PLCB1: variants seen among roughly 807,000 people sequenced by gnomAD.
PLCB1 encodes 1-phosphatidylinositol 4,5-bisphosphate phosphodiesterase beta-1.
PLCB1 carries 46 observed loss-of-function variants against 161.8 expected under a neutral mutation model. The ratio of observed to expected loss-of-function variants is 0.28; its 90% CI spans 0.22 to 0.36. The LOEUF (loss-of-function observed/expected upper bound fraction) is 0.36. PLCB1 is among the 10% of genes least tolerant of loss of function. The pLI is 1.00. For missense variants in PLCB1, 1,016 were observed against 1,472.5 expected (o/e 0.69, Z 5.07); for synonymous variants, 517 against 503.7 (o/e 1.03, Z -0.35).
intron 31 of PLCB1, among the ~76,000 whole-genome samples, chr20:8,860,806 C>T (rs576511879): frequency 1.3e-5 from 2 of 152,290 alleles, no homozygotes; most frequent in African/African-American, 4.8e-5. Context: ...ACTGACAGAA[C>T]AATCATTAAT....
intron 14 of PLCB1, among the ~76,000 whole-genome samples, chr20:8,720,304 A>G (rs2123473325): frequency 6.6e-6 from 1 of 152,350 alleles, no homozygotes; most frequent in Non-Finnish European, 1.5e-5. Context: ...ATTGCTTAAT[A>G]TAGAGAAAGG....
At chr20:8,497,210 G>A (rs963225272) in intron 3 of PLCB1, among the ~76,000 whole-genome samples, 12 of 152,076 alleles carry the variant, frequency 7.9e-5, no homozygotes, top group African/African-American at 2.7e-4. Flanking sequence ...ATTGAAATTT[G>A]GAAGTGAAAA....
In PLCB1 at chr20:8,848,025, A is replaced by G. The variant is rs532891174; in HGVS notation, c.3424-33597A>G. 5.9e-5 allele frequency among the ~76,000 whole-genome samples: 9 copies of G among 152,338 alleles called. No individual in the cohort carries two copies. The East Asian group carries it at 1.7e-3, about 29-fold the overall frequency. On this transcript the variant is annotated intron_variant, in intron 31 of 31. Coordinates refer to ENST00000338037, the MANE Select transcript of PLCB1 (RefSeq NM_015192.4). ...GAACGCCATGTCCTCACATGATGGAAGACAGAAGAGCAAGAGAGACCAATG... is the reference window on the plus strand; with the variant it reads ...GAACGCCATGTCCTCACATGATGGAGGACAGAAGAGCAAGAGAGACCAATG...
At chr20:8,179,271 A>G (rs2051814188) in intron 2 of PLCB1, among the ~76,000 whole-genome samples, 1 of 152,076 alleles carries the variant, frequency 6.6e-6, no homozygotes, top group African/African-American at 2.4e-5. Context: ...ATAAGCGTGG[A>G]ATATATTTCT....
Position 8,881,605 on chromosome 20 carries a change from C to T in PLCB1, c.3424-17C>T, listed in dbSNP as rs752407584. ...CATAAACAACTTCAAGTCATCTCCC[C>T]TCTTGATGTCTCTCAGCTGCAGGTG... On this transcript the variant is annotated splice_polypyrimidine_tract_variant and intron_variant, in intron 31 of 31. Transcript: ENST00000338037. 6.3e-7 allele frequency: 1 copy of T among 1,594,234 alleles called. No individual in the cohort carries two copies. Among genetic ancestry groups the T allele is most frequent in the Non-Finnish European group, 8.6e-7 (1 of 1,161,872 alleles).
At chr20:8,699,155 C>A (rs1419299722) in intron 11 of PLCB1, among the ~76,000 whole-genome samples, 1 of 152,188 alleles carries the variant, frequency 6.6e-6, no homozygotes, top group Admixed American at 6.5e-5. Context: ...GGCCAGAGGA[C>A]AACCTCTCGC....
chr20:8,145,375 A>G (rs1409156825), intron 1 of PLCB1, among the ~76,000 whole-genome samples: 1 of 152,092 alleles, frequency 6.6e-6, no homozygotes, highest in Non-Finnish European at 1.5e-5. Flanking sequence ...CCTATCTCTA[A>G]ATAAGATCAC....
At chr20:8,754,165 T>C (rs1981620961) in intron 23 of PLCB1, among the ~76,000 whole-genome samples, 1 of 152,230 alleles carries the variant, frequency 6.6e-6, no homozygotes, top group African/African-American at 2.4e-5. Context: ...TTTGATTTTA[T>C]ATAGTACGTC....
intron 3 of PLCB1, among the ~76,000 whole-genome samples, chr20:8,469,366 T>C (rs1981952834): frequency 6.6e-6 from 1 of 152,158 alleles, no homozygotes; most frequent in African/African-American, 2.4e-5. Context: ...AATGTTAAAA[T>C]GGTGGGAGGC....
intron 31 of PLCB1, among the ~76,000 whole-genome samples, chr20:8,823,587 C>T (rs1379411232): frequency 6.6e-6 from 1 of 152,146 alleles, no homozygotes; most frequent in Non-Finnish European, 1.5e-5. Context: ...AGTTTTATAC[C>T]ATATTCAACT....
intron 2 of PLCB1, among the ~76,000 whole-genome samples, chr20:8,272,356 A>T (rs1982328286): frequency 6.6e-6 from 1 of 152,116 alleles, no homozygotes; most frequent in Admixed American, 6.6e-5. Flanking sequence ...AATCCAACAA[A>T]GGTATCATAG....
chr20:8,336,376 G>A (rs1275680045), intron 2 of PLCB1, among the ~76,000 whole-genome samples: 2 of 152,032 alleles, frequency 1.3e-5, no homozygotes, highest in East Asian at 3.9e-4. Context: ...AATCAAATTT[G>A]GATTTCATAT....
rs1178838512 is a variant in PLCB1 at position 8,679,967 on chromosome 20, G to C, written c.863-4965G>C. Among the ~76,000 whole-genome samples the C allele has an allele frequency of 2.6e-5, 4 of 152,096 alleles. No individual in the cohort carries two copies. In the East Asian group the frequency reaches 7.7e-4, roughly 29 times the overall value. ...ATATATTAGCCTGATTGAATTCATAGACTTTTAGAGCTAGAGGAGACTGAG... is the reference window on the plus strand; with the variant it reads ...ATATATTAGCCTGATTGAATTCATACACTTTTAGAGCTAGAGGAGACTGAG... On this transcript the variant is annotated intron_variant, in intron 9 of 31. Coordinates refer to ENST00000338037, the MANE Select transcript of PLCB1 (RefSeq NM_015192.4).
At chr20:8,565,238 C>T (rs190607389) in intron 3 of PLCB1, among the ~76,000 whole-genome samples, 1 of 152,064 alleles carries the variant, frequency 6.6e-6, no homozygotes, top group East Asian at 1.9e-4. Flanking sequence ...AACACAAGAA[C>T]AGAAAACCAA....
chr20:8,761,659 C>T (rs1161495387), intron 25 of PLCB1, among the ~76,000 whole-genome samples: 2 of 152,108 alleles, frequency 1.3e-5, no homozygotes, highest in African/African-American at 4.8e-5. Flanking sequence ...GCTAGGATTA[C>T]AAGCACGTGC....
At chr20:8,470,952 T>C (rs1982027252) in intron 3 of PLCB1, among the ~76,000 whole-genome samples, 1 of 152,132 alleles carries the variant, frequency 6.6e-6, no homozygotes, top group South Asian at 2.1e-4. Flanking sequence ...GGGTAATTAC[T>C]AAACAAATTG....
At chr20:8,216,936 A>G (rs1374666950) in intron 2 of PLCB1, among the ~76,000 whole-genome samples, 1 of 152,066 alleles carries the variant, frequency 6.6e-6, no homozygotes, top group Non-Finnish European at 1.5e-5. Flanking sequence ...AGTGGCAGAT[A>G]CCTCCTATTC....
intron 2 of PLCB1, among the ~76,000 whole-genome samples, chr20:8,333,054 T>A (rs1469054039): frequency 6.6e-6 from 1 of 152,178 alleles, no homozygotes; most frequent in African/African-American, 2.4e-5. Flanking sequence ...TTCTCACCAA[T>A]AAAATGTGAG....
intron 3 of PLCB1, among the ~76,000 whole-genome samples, chr20:8,461,394 G>C (rs1256559563): frequency 6.6e-6 from 1 of 152,094 alleles, no homozygotes; most frequent in East Asian, 1.9e-4. Context: ...GATAATTTCT[G>C]ACAAGTCACT....
Sources: gnomAD v4.1 joint callset for allele counts (sites outside exome capture counted in the v4.1 genomes callset) on GRCh38, gnomAD v4.1.1 for gene constraint, MANE v1.5 for transcripts, NCBI Gene and HGNC (gene_info 2026-07-23, HGNC 2026-07-21) for gene names.